DSCAM: variants seen among roughly 807,000 people sequenced by gnomAD.
DSCAM encodes the protein cell adhesion molecule DSCAM.
In DSCAM, 47 loss-of-function variants were observed where a neutral mutation model predicts 217.7. The ratio of observed to expected loss-of-function variants is 0.22; its 90% CI spans 0.17 to 0.28. DSCAM has a LOEUF of 0.28. Ranked by LOEUF, DSCAM falls within the 10% of genes least tolerant of loss-of-function variation. The pLI is 1.00. For missense variants in DSCAM, 2,080 were observed against 2,618.3 expected (o/e 0.79, Z 4.49); for synonymous variants, 1,056 against 1,015.3 (o/e 1.04, Z -0.76).
chr21:40,789,443 G>T (rs932254033), intron 1 of DSCAM, among the ~76,000 whole-genome samples: 1 of 152,094 alleles, frequency 6.6e-6, no homozygotes, highest in Non-Finnish European at 1.5e-5. Context: ...TAGCTGAGCA[G>T]CTTTGTAAAT....
intron 3 of DSCAM, among the ~76,000 whole-genome samples, chr21:40,614,673 A>C (rs1457442423): frequency 6.6e-6 from 1 of 152,178 alleles, no homozygotes; most frequent in African/African-American, 2.4e-5. Flanking sequence ...GTGACTGCAA[A>C]TAAATGGTAA....
intron 1 of DSCAM, among the ~76,000 whole-genome samples, chr21:40,836,810 C>T (rs1164905990): frequency 7.2e-5 from 11 of 152,174 alleles, no homozygotes; most frequent in Admixed American, 5.9e-4. Flanking sequence ...ACATAACAAA[C>T]ATGGAAACCA....
At chr21:40,822,085 G>A (rs1057280449) in intron 1 of DSCAM, among the ~76,000 whole-genome samples, 5 of 151,678 alleles carry the variant, frequency 3.3e-5, no homozygotes, top group African/African-American at 1.2e-4. Flanking sequence ...TTGGGAGGCT[G>A]AGGCAGGCAG....
At chr21:40,170,239 T>C (rs944305322) in intron 15 of DSCAM, among the ~76,000 whole-genome samples, 16 of 152,314 alleles carry the variant, frequency 1.1e-4, no homozygotes, top group Middle Eastern at 3.4e-3. Flanking sequence ...AGCTGACACC[T>C]GCCTAGGCCT....
intron 3 of DSCAM, among the ~76,000 whole-genome samples, chr21:40,567,842 G>C (rs2076776614): frequency 6.6e-6 from 1 of 152,094 alleles, no homozygotes; most frequent in Non-Finnish European, 1.5e-5. Context: ...AGAAACACTA[G>C]TTTCAAAAAC....
chr21:40,551,929 CCATT>C (rs1381272870), intron 3 of DSCAM, among the ~76,000 whole-genome samples: 1 of 152,098 alleles, frequency 6.6e-6, no homozygotes, highest in Non-Finnish European at 1.5e-5. Context: ...GAGGGTGTGT[CCATT>C]CAGTCAGCTG....
chr21:40,443,919 T>C (rs562891944), intron 3 of DSCAM, among the ~76,000 whole-genome samples: 11 of 152,344 alleles, frequency 7.2e-5, no homozygotes, highest in African/African-American at 2.6e-4. Context: ...TCAAGCTTTC[T>C]GGCTGTGAAC....
At chr21:40,015,254 T>C (rs2146407590) in intron 32 of DSCAM, among the ~76,000 whole-genome samples, 1 of 152,284 alleles carries the variant, frequency 6.6e-6, no homozygotes, top group South Asian at 2.1e-4. Flanking sequence ...CCAATTCAGT[T>C]AATGAAGGCC....
At chr21:40,518,813 A>C (rs1361906719) in intron 3 of DSCAM, among the ~76,000 whole-genome samples, 2 of 151,404 alleles carry the variant, frequency 1.3e-5, no homozygotes, top group Non-Finnish European at 2.9e-5. Flanking sequence ...ATGTTCTGAT[A>C]AGTATGTCAT....
intron 1 of DSCAM, among the ~76,000 whole-genome samples, chr21:40,809,040 C>T (rs1228671007): frequency 2.0e-5 from 3 of 152,098 alleles, no homozygotes; most frequent in South Asian, 2.1e-4. Context: ...ATCTTTGATG[C>T]CCCTCTTCAT....
At chr21:40,722,316 G>A (rs1044970465) in intron 1 of DSCAM, among the ~76,000 whole-genome samples, 2 of 151,962 alleles carry the variant, frequency 1.3e-5, no homozygotes, top group African/African-American at 2.4e-5. Context: ...TTACTGTTAA[G>A]GCAATAATAA....
intron 27 of DSCAM, among the ~76,000 whole-genome samples, chr21:40,069,554 T>A (rs1420672917): frequency 6.6e-6 from 1 of 152,238 alleles, no homozygotes; most frequent in Non-Finnish European, 1.5e-5. Context: ...TATAGCCACA[T>A]GGCTACATTT....
At position 40,302,286 on chromosome 21, in the gene DSCAM, C is replaced by T. The variant is rs147244795; in HGVS notation, c.2063-6112G>A. ...GATCCAGTGGGAAGTAATTTAACCACGGGGGGCGGATCTTTCCCATGCTGT... is the reference window on the plus strand; with the variant it reads ...GATCCAGTGGGAAGTAATTTAACCATGGGGGGCGGATCTTTCCCATGCTGT... On this transcript the variant is annotated intron_variant, in intron 9 of 32. Coordinates refer to ENST00000400454, the MANE Select transcript of DSCAM (RefSeq NM_001389.5). Among the ~76,000 whole-genome samples, 1,132 of 152,050 alleles carry T rather than the reference C, an allele frequency of 7.4e-3. 12 individuals carry two copies. Among genetic ancestry groups the T allele is most frequent in the Middle Eastern group, 0.024 (7 of 294 alleles).
chr21:40,524,061 C>CA (rs547319445), intron 3 of DSCAM, among the ~76,000 whole-genome samples: 45 of 152,164 alleles, frequency 3.0e-4, no homozygotes, highest in African/African-American at 1.1e-3. Flanking sequence ...CGGCTTATAA[C>CA]AAAAAATGCC....
At chr21:40,069,762 T>A (rs2089263630) in intron 27 of DSCAM, among the ~76,000 whole-genome samples, 1 of 152,146 alleles carries the variant, frequency 6.6e-6, no homozygotes, top group South Asian at 2.1e-4. Flanking sequence ...AATAGTCTCA[T>A]AAAGTAGCTA....
chr21:40,275,186 T>C (rs1601508380), intron 11 of DSCAM, among the ~76,000 whole-genome samples: 1 of 150,128 alleles, frequency 6.7e-6, no homozygotes, highest in Non-Finnish European at 1.5e-5. Flanking sequence ...AAAAAAAAGC[T>C]GGGCTCAGTG....
intron 3 of DSCAM, among the ~76,000 whole-genome samples, chr21:40,389,432 A>G (rs1215170520): frequency 6.6e-6 from 1 of 152,226 alleles, no homozygotes; most frequent in Non-Finnish European, 1.5e-5. Flanking sequence ...TTCCAAAGAT[A>G]TCCACTGTAT....
At chr21:40,121,470 C>T (rs1230682413) in intron 20 of DSCAM, among the ~76,000 whole-genome samples, 1 of 151,960 alleles carries the variant, frequency 6.6e-6, no homozygotes, top group Non-Finnish European at 1.5e-5. Context: ...GTTTTTAGTT[C>T]ACTTCACTTC....
At chr21:40,674,883 A>G (rs2090320231) in intron 3 of DSCAM, among the ~76,000 whole-genome samples, 1 of 152,006 alleles carries the variant, frequency 6.6e-6, no homozygotes, top group African/African-American at 2.4e-5. Context: ...TTGGCTTCCC[A>G]AAGTGCTGGG....
Sources: gnomAD v4.1 joint callset for allele counts (sites outside exome capture counted in the v4.1 genomes callset) on GRCh38, gnomAD v4.1.1 for gene constraint, MANE v1.5 for transcripts, NCBI Gene and HGNC (gene_info 2026-07-23, HGNC 2026-07-21) for gene names.